Variants in ANKFN1 observed in about 807,000 individuals in gnomAD.
The protein encoded by ANKFN1 is ankyrin repeat and fibronectin type-III domain-containing protein 1.
A neutral mutation model predicts 108.7 loss-of-function variants in ANKFN1; 74 were observed. The observed-to-expected ratio is 0.68, with a 90% CI of 0.56 to 0.83. ANKFN1 has a LOEUF of 0.83. ANKFN1 is among the 40% of genes least tolerant of loss of function. The pLI is 0.00. For synonymous variants in ANKFN1, 547 were observed against 516.2 expected (o/e 1.06, Z -0.81); for missense variants, 1,505 against 1,382.3 (o/e 1.09, Z -1.41).
chr17:56,468,613 TGTG>T lies in ANKFN1; in HGVS notation c.1773+2045_1773+2047del, dbSNP rs542356277. ...CTGACCTTCCGTCCTGGGAGCCATC[TGTG>T]GTCACCCTAAACGGCTAACTTACTT... On this transcript the variant is annotated intron_variant, in intron 15 of 20. Coordinates refer to ENST00000682825, the MANE Select transcript of ANKFN1 (RefSeq NM_001370326.1). Among the ~76,000 whole-genome samples the T allele has an allele frequency of 8.0e-5, 12 of 149,396 alleles. No individual in the cohort carries two copies. In the East Asian group the frequency reaches 2.3e-3, roughly 29 times the overall value.
intron 4 of ANKFN1, among the ~76,000 whole-genome samples, chr17:56,342,194 T>C (rs1234202320): frequency 6.6e-6 from 1 of 151,628 alleles, no homozygotes; most frequent in African/African-American, 2.4e-5. Flanking sequence ...ATATTCTCTC[T>C]TTTCTTCTTT....
At chr17:56,354,804 A>G (rs1458716968) in intron 6 of ANKFN1, among the ~76,000 whole-genome samples, 1 of 152,164 alleles carries the variant, frequency 6.6e-6, no homozygotes, top group Admixed American at 6.5e-5. Context: ...TGCTTGGCTT[A>G]TACAACATTT....
intron 3 of ANKFN1, among the ~76,000 whole-genome samples, chr17:56,299,074 G>A (rs1203643599): frequency 1.3e-5 from 2 of 152,202 alleles, no homozygotes; most frequent in Non-Finnish European, 2.9e-5. Flanking sequence ...ACTGTGAGAT[G>A]CTCACACCAC....
At chr17:56,493,727 G>T (rs1382007930) in intron 19 of ANKFN1, among the ~76,000 whole-genome samples, 4 of 152,122 alleles carry the variant, frequency 2.6e-5, no homozygotes, top group African/African-American at 9.7e-5. Flanking sequence ...AATTGGTACA[G>T]CCATACTGGT....
In ANKFN1 at chr17:56,108,010, C is replaced by T. The variant is rs1032106171; in HGVS notation, c.288+61685C>T. Among the ~76,000 whole-genome samples the T allele has an allele frequency of 4.6e-5, 7 of 152,000 alleles. No homozygotes were observed. In the East Asian group the frequency reaches 7.8e-4, roughly 17 times the overall value. On this transcript the variant is annotated intron_variant, in intron 4 of 12. Coordinates refer to the ANKFN1 transcript ENST00000635860. The stretch of plus-strand genomic sequence containing the variant: ...CCAAGTGGCTGGGACTACATGCATG[C>T]GCCACCACACCTGGCTAATTTTTTG...
Position 56,409,741 on chromosome 17 carries a change from T to A in ANKFN1, c.911-30586T>A, listed in dbSNP as rs544815373. Among the ~76,000 whole-genome samples the A allele has an allele frequency of 5.9e-5, 9 of 152,274 alleles. No homozygotes were observed. In the South Asian group the frequency reaches 1.9e-3, roughly 32 times the overall value. ...TTATAATACTCTTAATATGCCTAGC[T>A]TTTTTCTAAAATGTTAGTTTAATAA... On this transcript the variant is annotated intron_variant, in intron 8 of 20. Transcript: ENST00000682825.
intron 4 of ANKFN1, among the ~76,000 whole-genome samples, chr17:56,102,934 G>T (rs1319662525): frequency 6.6e-6 from 1 of 152,170 alleles, no homozygotes; most frequent in Non-Finnish European, 1.5e-5. Flanking sequence ...AATTGTGTCT[G>T]GTGGGGGAAT....
chr17:56,388,161 T>C (rs1330228621), intron 8 of ANKFN1, among the ~76,000 whole-genome samples: 1 of 151,798 alleles, frequency 6.6e-6, no homozygotes, highest in Middle Eastern at 3.2e-3. Context: ...TTTTTTGAGA[T>C]GGAGTCTCAC....
At chr17:56,052,573 T>A (rs1448302476) in intron 4 of ANKFN1, among the ~76,000 whole-genome samples, 1 of 152,206 alleles carries the variant, frequency 6.6e-6, no homozygotes, top group East Asian at 1.9e-4. Context: ...AGGTCTAGAT[T>A]TTCTGCAAAA....
chr17:56,280,385 T>C (rs1331483493), intron 3 of ANKFN1, among the ~76,000 whole-genome samples: 1 of 152,146 alleles, frequency 6.6e-6, no homozygotes, highest in Non-Finnish European at 1.5e-5. Flanking sequence ...GATGACCATA[T>C]TCTCCTGCCT....
chr17:56,104,444 G>C (rs764791013), intron 4 of ANKFN1, among the ~76,000 whole-genome samples: 5 of 152,240 alleles, frequency 3.3e-5, no homozygotes, highest in Admixed American at 6.5e-5. Flanking sequence ...CACAGAGAAA[G>C]TTAGTCATGG....
At chr17:56,362,588 C>T (rs1043938501) in intron 6 of ANKFN1, among the ~76,000 whole-genome samples, 37 of 152,098 alleles carry the variant, frequency 2.4e-4, no homozygotes, top group Admixed American at 5.9e-4. Flanking sequence ...ATACCATATA[C>T]GAAAACCAAC....
intron 2 of ANKFN1, among the ~76,000 whole-genome samples, chr17:56,227,208 A>G (rs1916349080): frequency 1.3e-5 from 2 of 152,186 alleles, no homozygotes; most frequent in East Asian, 3.9e-4. Flanking sequence ...TTTCAATATA[A>G]CCACAATAGG....
chr17:56,188,594 T>TATATATATATA (rs1912536102), intron 1 of ANKFN1, among the ~76,000 whole-genome samples: 2 of 128,202 alleles, frequency 1.6e-5, no homozygotes, highest in Non-Finnish European at 3.2e-5. Flanking sequence ...TATATATATA[T>TATATATATATA]ATATATATAT....
intron 8 of ANKFN1, among the ~76,000 whole-genome samples, chr17:56,428,189 G>A (rs1374528137): frequency 8.0e-5 from 12 of 150,890 alleles, no homozygotes; most frequent in African/African-American, 1.5e-4. Flanking sequence ...AGCTGAGATC[G>A]CACCACTGCA....
rs554498385 is a variant in ANKFN1, at chr17:56,197,484, C to T, written c.-70-15114C>T. On this transcript the variant is annotated intron_variant, in intron 1 of 20. Transcript: ENST00000682825. Reference sequence around the variant, plus strand: ...GGATGGAGGTGTCCCTAGTGTATTCCTTTGTGTCTAGACACATAGTACACA... The same window carrying T: ...GGATGGAGGTGTCCCTAGTGTATTCTTTTGTGTCTAGACACATAGTACACA... Among the ~76,000 whole-genome samples the T allele has an allele frequency of 2.2e-4, 34 of 152,272 alleles. No homozygotes were observed. In the East Asian group the frequency reaches 6.6e-3, roughly 29 times the overall value.
At chr17:56,406,766 A>G (rs2047934549) in intron 8 of ANKFN1, among the ~76,000 whole-genome samples, 1 of 152,172 alleles carries the variant, frequency 6.6e-6, no homozygotes, top group South Asian at 2.1e-4. Flanking sequence ...TAAGTTATAG[A>G]GTTAGAGTGA....
intron 3 of ANKFN1, among the ~76,000 whole-genome samples, chr17:56,291,625 C>T (rs1448757727): frequency 5.3e-5 from 8 of 152,152 alleles, no homozygotes; most frequent in African/African-American, 1.9e-4. Context: ...CTAGAGTAAC[C>T]TTCACTTCTC....
chr17:56,227,510 G>T (rs568379970), intron 2 of ANKFN1, among the ~76,000 whole-genome samples: 1 of 152,274 alleles, frequency 6.6e-6, no homozygotes, highest in African/African-American at 2.4e-5. Context: ...CAATGTGTCA[G>T]AACTTGGCCA....
Sources: gnomAD v4.1 joint callset for allele counts (sites outside exome capture counted in the v4.1 genomes callset) on GRCh38, gnomAD v4.1.1 for gene constraint, MANE v1.5 for transcripts, NCBI Gene and HGNC (gene_info 2026-07-23, HGNC 2026-07-21) for gene names.